ZHX3: variants seen among roughly 807,000 people sequenced by gnomAD.
The protein encoded by ZHX3 is zinc fingers and homeoboxes protein 3.
In ZHX3, 20 loss-of-function variants were observed where a neutral mutation model predicts 64.5. That is an observed-to-expected ratio of 0.31 (90% CI 0.22 to 0.45). The LOEUF (loss-of-function observed/expected upper bound fraction) is 0.45. Ranked by LOEUF, ZHX3 falls within the 20% of genes least tolerant of loss-of-function variation. The pLI is 1.00. For synonymous variants in ZHX3, 423 were observed against 461.6 expected, an observed-to-expected ratio of 0.92 and a Z score of 1.07; for missense variants, 1,041 against 1,195.8, an observed-to-expected ratio of 0.87 and a Z score of 1.91.
intron 1 of ZHX3, among the ~76,000 whole-genome samples, chr20:41,301,088 T>C (rs900819902): frequency 6.6e-6 from 1 of 152,024 alleles, no homozygotes; most frequent in Non-Finnish European, 1.5e-5. Flanking sequence ...GGTGAGGAAG[T>C]AGAGACCATG....
chr20:41,288,645 C>T (rs1261298611), intron 1 of ZHX3, among the ~76,000 whole-genome samples: 3 of 152,116 alleles, frequency 2.0e-5, no homozygotes, highest in South Asian at 4.1e-4. Flanking sequence ...AATTTTATGA[C>T]AAATAGGGCC....
At position 41,203,013 on chromosome 20, in the gene ZHX3, G is replaced by A; in HGVS notation, c.1904C>T (p.Pro635Leu). 6.2e-7 allele frequency: 1 copy of A among 1,614,150 alleles called. No individual in the cohort carries two copies. The highest frequency in any genetic ancestry group is 8.5e-7 in the Non-Finnish European group (1 of 1,180,022). The change falls in exon 3 of 4, where the codon CCT becomes CTT. Residue 635 changes from proline to leucine, a missense_variant. Pro to Leu is a moderately conservative substitution (Grantham distance 98, BLOSUM62 -3). Around this residue, in one of 4 missense-constraint regions of ZHX3, gnomAD observed 649 missense variants for 739.8 expected, o/e 0.88. Transcript: ENST00000683867. This position sits in a 1 kb window ranked among gnomAD's most constrained non-coding sequence, Gnocchi z 7.1. ...GTCCAGTTCCTCATCAAGAGGAAGA[G>A]GGTTTTGTGCAAAACTGCTCTCCAG... Reference protein sequence around the residue: ...RALESSFAQNPLPLDEELDRL... With the variant: ...RALESSFAQNLLPLDEELDRL...
chr20:41,295,153 C>G (rs113313189), intron 1 of ZHX3, among the ~76,000 whole-genome samples: 2 of 152,112 alleles, frequency 1.3e-5, no homozygotes, highest in Non-Finnish European at 2.9e-5. Context: ...AGAAATAATT[C>G]CATTTCTTCT....
In ZHX3 at chr20:41,253,245, TAAAA is replaced by T. The variant is rs11469825; in HGVS notation, c.-151+15741_-151+15744del. 3.7e-3 allele frequency among the ~76,000 whole-genome samples: 533 copies of T among 144,220 alleles called. 3 individuals carry two copies. Among genetic ancestry groups the T allele is most frequent in the African/African-American group, 0.012 (491 of 40,144 alleles). The allele number at this position is 144,220 out of a possible 152,430, so 94.6% of individuals were successfully genotyped here. ...GTTGTCTTGGTTTTTGGGACTACAG[TAAAA>T]AAAAAAAAAAAAGTATGGACTTGGA... On this transcript the variant is annotated intron_variant, in intron 2 of 3. Coordinates refer to ENST00000683867, the MANE Select transcript of ZHX3 (RefSeq NM_001384317.1).
In ZHX3 at chr20:41,212,090, T is replaced by C. The variant is rs2039197325; in HGVS notation, c.-150-7024A>G. Reference sequence around the variant, plus strand: ...AACTTGCATTCTTCAAAGGTCACCATCAAGAAAGTGAAAAGATAGACAATC... The same window carrying C: ...AACTTGCATTCTTCAAAGGTCACCACCAAGAAAGTGAAAAGATAGACAATC... On this transcript the variant is annotated intron_variant, in intron 2 of 3. Coordinates refer to ENST00000683867, the MANE Select transcript of ZHX3 (RefSeq NM_001384317.1). The surrounding 1 kb of genome is among the most constrained non-coding windows in gnomAD (Gnocchi z 4.3). Among the ~76,000 whole-genome samples the C allele has an allele frequency of 1.3e-5, 2 of 152,148 alleles. No individual in the cohort carries two copies. The highest frequency in any genetic ancestry group is 4.1e-4 in the South Asian group (2 of 4,828).
At chr20:41,298,474 G>T (rs2044646665) in intron 1 of ZHX3, among the ~76,000 whole-genome samples, 1 of 152,140 alleles carries the variant, frequency 6.6e-6, no homozygotes, top group Admixed American at 6.5e-5. Flanking sequence ...CAGCCTTACT[G>T]GCATCTTACC....
In ZHX3 at chr20:41,204,887, T is replaced by C. The variant is rs539067993; in HGVS notation, c.30A>G (p.Pro10=). 182 of 1,539,898 alleles carry C rather than the reference T, an allele frequency of 1.2e-4. 1 individual carries two copies. In the South Asian group the frequency reaches 1.4e-3, roughly 12 times the overall value. ...CCACAGTCTTCACTGGGATCATGCATGGTGTGGTGGATTTCCTCTTGCTGG... is the reference window on the plus strand; with the variant it reads ...CCACAGTCTTCACTGGGATCATGCACGGTGTGGTGGATTTCCTCTTGCTGG... The part of the protein sequence containing the change: MASKRKSTT[P]CMIPVKTVVL... Residue 10 remains proline (P), a synonymous_variant, in exon 3 of 4, where the codon CCA becomes CCG. Coordinates refer to ENST00000683867, the MANE Select transcript of ZHX3 (RefSeq NM_001384317.1). The surrounding 1 kb of genome is among the most constrained non-coding windows in gnomAD (Gnocchi z 6.6).
At chr20:41,253,921 TG>T (rs35016382) in intron 2 of ZHX3, among the ~76,000 whole-genome samples, 1,895 of 151,738 alleles carry the variant, frequency 0.012, 24 homozygotes, top group Non-Finnish European at 0.015. Context: ...TTTTGCAGTA[TG>T]TTTGAAATTT....
intron 2 of ZHX3, among the ~76,000 whole-genome samples, chr20:41,247,031 C>T (rs895748983): frequency 2.0e-5 from 3 of 152,154 alleles, no homozygotes; most frequent in African/African-American, 7.2e-5. Context: ...GAGGCTAAGG[C>T]TGGCAGATCG....
In ZHX3 at chr20:41,202,198, C is replaced by T; in HGVS notation, c.2719G>A (p.Gly907Ser). 4 of 1,614,186 alleles carry T rather than the reference C, an allele frequency of 2.5e-6. No homozygotes were observed. The South Asian group carries it at 3.3e-5, about 13-fold the overall frequency. ...CCTTTGTGAACTGCTGTGAGCTCACCAGTACCAGGGCCCTGGTCCTCACTG... is the reference window on the plus strand; with the variant it reads ...CCTTTGTGAACTGCTGTGAGCTCACTAGTACCAGGGCCCTGGTCCTCACTG... ...TGSEDQGPGT[G>S]ELTAVHKGMG... The change falls in exon 3 of 4, where the codon GGT (glycine) becomes AGT (serine). Residue 907 changes from glycine (G) to serine (S), a missense_variant. Physicochemically the swap from Gly to Ser is moderately conservative, Grantham distance 56. Coordinates refer to ENST00000683867, the MANE Select transcript of ZHX3 (RefSeq NM_001384317.1). This position sits in a 1 kb window ranked among gnomAD's most constrained non-coding sequence, Gnocchi z 7.0.
intron 2 of ZHX3, among the ~76,000 whole-genome samples, chr20:41,223,180 G>A (rs1285763169): frequency 3.3e-5 from 5 of 152,096 alleles, no homozygotes; most frequent in Non-Finnish European, 7.4e-5. Flanking sequence ...AGTTGGCAAG[G>A]GTTTGCAGAA....
intron 1 of ZHX3, among the ~76,000 whole-genome samples, chr20:41,286,365 T>A (rs1222975324): frequency 6.6e-6 from 1 of 152,234 alleles, no homozygotes; most frequent in Non-Finnish European, 1.5e-5. Flanking sequence ...ACTGATAGTT[T>A]AACTTGATAT....
At chr20:41,306,322 G>T (rs1194661801) in intron 1 of ZHX3, among the ~76,000 whole-genome samples, 1 of 152,100 alleles carries the variant, frequency 6.6e-6, no homozygotes, top group African/African-American at 2.4e-5. Context: ...TCTTTTCTAC[G>T]TGGTCTCATC....
intron 2 of ZHX3, among the ~76,000 whole-genome samples, chr20:41,245,495 AAAG>A (rs1331653069): frequency 6.6e-6 from 1 of 152,204 alleles, no homozygotes; most frequent in African/African-American, 2.4e-5. Flanking sequence ...CCAGTGATAC[AAAG>A]AAGGGAGCAA....
At chr20:41,272,526 TTCCTCCTCCTCC>T (rs377127775) in intron 1 of ZHX3, among the ~76,000 whole-genome samples, 1 of 151,704 alleles carries the variant, frequency 6.6e-6, no homozygotes, top group African/African-American at 2.4e-5. Flanking sequence ...GTCACTTCTA[TTCCTCCTCCTCC>T]TCCTCCTCCA....
chr20:41,262,845 G>A (rs1326201556), intron 2 of ZHX3, among the ~76,000 whole-genome samples: 2 of 152,150 alleles, frequency 1.3e-5, no homozygotes, highest in Non-Finnish European at 2.9e-5. Flanking sequence ...GAGAGATAGG[G>A]TAGATAAGGA....
At chr20:41,288,582 A>C (rs2044055445) in intron 1 of ZHX3, among the ~76,000 whole-genome samples, 1 of 152,256 alleles carries the variant, frequency 6.6e-6, no homozygotes, top group East Asian at 1.9e-4. Context: ...GCACAGGCAG[A>C]AACCAGCCTG....
At chr20:41,286,714 T>C (rs1282560730) in intron 1 of ZHX3, among the ~76,000 whole-genome samples, 1 of 152,222 alleles carries the variant, frequency 6.6e-6, no homozygotes, top group Non-Finnish European at 1.5e-5. Context: ...CCTTGATTAC[T>C]CCACATCTCT....
At position 41,204,765 on chromosome 20, in the gene ZHX3, T is replaced by A. The variant is rs527378965; in HGVS notation, c.152A>T (p.Glu51Val). Residue 51 changes from glutamate (E) to valine (V), a missense_variant, in exon 3 of 4, where the codon GAG (glutamate) becomes GTG (valine). Glu to Val is a moderately radical substitution (Grantham distance 121). Transcript: ENST00000683867. The surrounding 1 kb of genome is among the most constrained non-coding windows in gnomAD (Gnocchi z 6.6). ...LPPEASAASS[E>V]AAQNPSSTDG... ...AGTACTGCTGGGGTTCTGTGCTGCCTCACTGCTGGCAGCAGATGCTTCTGG... is the reference window on the plus strand; with the variant it reads ...AGTACTGCTGGGGTTCTGTGCTGCCACACTGCTGGCAGCAGATGCTTCTGG... 1.2e-6 allele frequency: 2 copies of A among 1,614,172 alleles called. No homozygotes were observed. Among genetic ancestry groups the A allele is most frequent in the South Asian group, 2.2e-5 (2 of 91,086 alleles).
Sources: allele counts gnomAD v4.1 joint callset (sites outside exome capture counted in the v4.1 genomes callset), GRCh38; gene constraint gnomAD v4.1.1; regional missense constraint gnomAD v4.1.1; non-coding constraint Gnocchi (gnomAD v3.1); transcripts MANE v1.5; gene names NCBI Gene and HGNC (gene_info 2026-07-23, HGNC 2026-07-21).